TRDN: variants seen among roughly 807,000 people sequenced by gnomAD.
TRDN encodes the protein triadin.
A neutral mutation model predicts 149.7 loss-of-function variants in TRDN; 161 were observed. The ratio of observed to expected loss-of-function variants is 1.08; its 90% CI spans 0.95 to 1.23. TRDN has a LOEUF of 1.23. TRDN is among the 50% of genes most tolerant of loss of function. TRDN has a pLI of 0.00. For synonymous variants in TRDN, 294 were observed against 250.5 expected (o/e 1.17, Z -1.64); for missense variants, 896 against 823.5 (o/e 1.09, Z -1.08).
intron 10 of TRDN, among the ~76,000 whole-genome samples, chr6:123,457,796 T>C (rs1437573260): frequency 1.3e-5 from 2 of 152,200 alleles, no homozygotes; most frequent in Non-Finnish European, 2.9e-5. Flanking sequence ...TGAAAATATG[T>C]TTAAATCTTT....
intron 5 of TRDN, among the ~76,000 whole-genome samples, chr6:123,523,688 G>A (rs937803270): frequency 2.0e-5 from 3 of 152,130 alleles, no homozygotes; most frequent in Non-Finnish European, 4.4e-5. Context: ...GCTAAGTAGG[G>A]TTGAGCTCTA....
At chr6:123,375,688 T>C (rs1163856999) in intron 18 of TRDN, 57 bp from the exon 19 acceptor site, 1 of 1,286,376 alleles carries the variant, frequency 7.8e-7, no homozygotes, top group Non-Finnish European at 1.1e-6. Flanking sequence ...CTTATCTCTT[T>C]CCAAAATAAT....
At chr6:123,223,672 T>C (rs914936608) in intron 39 of TRDN, among the ~76,000 whole-genome samples, 64 of 105,790 alleles carry the variant, frequency 6.0e-4, no homozygotes, top group African/African-American at 1.9e-3. Context: ...GCCTTCCATT[T>C]CTTCCTTCCT....
At chr6:123,599,453 A>G (rs1422120151) in intron 1 of TRDN, among the ~76,000 whole-genome samples, 1 of 152,094 alleles carries the variant, frequency 6.6e-6, no homozygotes, top group Non-Finnish European at 1.5e-5. Flanking sequence ...TTCTTCAACC[A>G]ATGTTCAGAA....
chr6:123,336,528 AT>A (rs1378558837), intron 22 of TRDN, among the ~76,000 whole-genome samples: 13 of 152,058 alleles, frequency 8.5e-5, no homozygotes, highest in African/African-American at 2.9e-4. Context: ...GTCACACAAA[AT>A]TGATCAAAAT....
At chr6:123,373,218 G>C (rs35899685) in intron 19 of TRDN, among the ~76,000 whole-genome samples, 25,730 of 152,078 alleles carry the variant, frequency 0.17, 2,296 homozygotes, top group South Asian at 0.22. Flanking sequence ...ATGGGGGCAA[G>C]TCTTCCCTAT....
intron 2 of TRDN, among the ~76,000 whole-genome samples, chr6:123,563,253 T>C (rs552870995): frequency 8.5e-5 from 13 of 152,350 alleles, no homozygotes; most frequent in African/African-American, 3.1e-4. Flanking sequence ...ACCAATTCTT[T>C]ACCAGCAAAA....
chr6:123,388,689 A>G, intron 13 of TRDN, 138 bp from the exon 14 acceptor site: 1 of 876,528 alleles, frequency 1.1e-6, no homozygotes, highest in Admixed American at 2.2e-5. Context: ...AATCTATGAT[A>G]GGAGTGTAAG....
chr6:123,532,739 A>G (rs1193515222), intron 4 of TRDN, among the ~76,000 whole-genome samples: 1 of 140,516 alleles, frequency 7.1e-6, no homozygotes, highest in Non-Finnish European at 1.6e-5. Context: ...AATAAGATAT[A>G]TGATTAAAAT....
chr6:123,241,567 C>G (rs1358970550), intron 38 of TRDN, among the ~76,000 whole-genome samples: 1 of 151,412 alleles, frequency 6.6e-6, no homozygotes, highest in East Asian at 1.9e-4. Flanking sequence ...AACCAAAATA[C>G]TAGATCAGAA....
chr6:123,378,960 C>T (rs1482733339), intron 16 of TRDN, among the ~76,000 whole-genome samples: 1 of 152,122 alleles, frequency 6.6e-6, no homozygotes, highest in Non-Finnish European at 1.5e-5. Context: ...ATTGCAAGCA[C>T]TAATTTTACA....
chr6:123,232,014 T>A (rs1304376522), intron 38 of TRDN, among the ~76,000 whole-genome samples: 2 of 151,990 alleles, frequency 1.3e-5, no homozygotes, highest in East Asian at 3.9e-4. Flanking sequence ...GAATTGAATG[T>A]GACTGGAGCT....
In TRDN at chr6:123,585,261, C is replaced by G. The variant is rs562007329; in HGVS notation, c.23-14129G>C. Among the ~76,000 whole-genome samples, 1,373 of 151,742 alleles carry G rather than the reference C, an allele frequency of 9.0e-3. 15 individuals are homozygous for G. Among genetic ancestry groups the G allele is most frequent in the African/African-American group, 0.032 (1,318 of 41,338 alleles). On this transcript the variant is annotated intron_variant, in intron 1 of 40. Coordinates refer to ENST00000334268, the MANE Select transcript of TRDN (RefSeq NM_006073.4). ...AGCAGATAATTTAGTTAAAGTGTCT[C>G]GGCCTAATAGGGAACTGGGCAGGTG...
chr6:123,284,892 A>T (rs762262770), intron 24 of TRDN, among the ~76,000 whole-genome samples: 9 of 152,102 alleles, frequency 5.9e-5, no homozygotes, highest in Non-Finnish European at 1.2e-4. Flanking sequence ...GACTCGAATC[A>T]AGAACTTGAC....
intron 21 of TRDN, among the ~76,000 whole-genome samples, chr6:123,340,672 T>C (rs924069232): frequency 1.3e-5 from 2 of 152,140 alleles, no homozygotes; most frequent in Non-Finnish European, 1.5e-5. Flanking sequence ...TGCTTGCTGA[T>C]CTGAGATATT....
At chr6:123,372,185 T>C (rs368593885) in intron 19 of TRDN, among the ~76,000 whole-genome samples, 4 of 152,016 alleles carry the variant, frequency 2.6e-5, no homozygotes, top group Non-Finnish European at 5.9e-5. Flanking sequence ...AAAAAAACCA[T>C]GCAATTTTAT....
chr6:123,414,344 A>G (rs1287166083), intron 12 of TRDN, among the ~76,000 whole-genome samples: 1 of 152,128 alleles, frequency 6.6e-6, no homozygotes, highest in African/African-American at 2.4e-5. Context: ...AACGTACTCC[A>G]TAGGATATAT....
At chr6:123,497,287 A>C in intron 8 of TRDN, 35 bp from the exon 9 acceptor site, 1 of 1,426,112 alleles carries the variant, frequency 7.0e-7, no homozygotes, top group East Asian at 2.7e-5. Context: ...CAATGAAAAA[A>C]TGTCATCAAC....
At chr6:123,463,699 C>T (rs1009021509) in intron 10 of TRDN, among the ~76,000 whole-genome samples, 2 of 151,462 alleles carry the variant, frequency 1.3e-5, no homozygotes, top group African/African-American at 4.8e-5. Context: ...GTGTCAAATT[C>T]TCTTAAGTCA....
Sources: gnomAD v4.1 joint callset for allele counts (sites outside exome capture counted in the v4.1 genomes callset) on GRCh38, gnomAD v4.1.1 for gene constraint, MANE v1.5 for transcripts, NCBI Gene and HGNC (gene_info 2026-07-23, HGNC 2026-07-21) for gene names.